BMS1: variants seen among roughly 807,000 people sequenced by gnomAD.
The protein encoded by BMS1 is ribosome biogenesis protein BMS1 homolog.
Under a neutral mutation model 138.7 loss-of-function variants are expected in BMS1, and 53 were observed. The ratio of observed to expected loss-of-function variants is 0.38; its 90% CI spans 0.31 to 0.48. The LOEUF is 0.48. Ranked by LOEUF, BMS1 falls within the 20% of genes least tolerant of loss-of-function variation. The pLI is 0.97. For missense variants in BMS1, 1,360 were observed against 1,565.5 expected, an observed-to-expected ratio of 0.87 and a Z score of 2.22; for synonymous variants, 504 against 539.9, an observed-to-expected ratio of 0.93 and a Z score of 0.92.
Position 42,833,159 on chromosome 10 carries a change from T to C in BMS1, c.*2063T>C, listed in dbSNP as rs1842828292. 1 of 152,198 alleles carries C rather than the reference T, an allele frequency of 6.6e-6. No individual in the cohort carries two copies. Among genetic ancestry groups the C allele is most frequent in the African/African-American group, 2.4e-5 (1 of 41,440 alleles). 9.4% of individuals were successfully genotyped at this position (152,198 alleles called of 1,614,324 possible). On this transcript the variant is annotated 3_prime_UTR_variant, in exon 23 of 23. Coordinates refer to ENST00000374518, the MANE Select transcript of BMS1 (RefSeq NM_014753.4). ...AGATAATTGCCTTTTCCAAAGACAA[T>C]GTATGTAGGCAGAACTCATACCTGT...
Position 42,833,718 on chromosome 10 carries a change from A to C in BMS1, c.*2622A>C, listed in dbSNP as rs892271193. 1 of 152,266 alleles carries C rather than the reference A, an allele frequency of 6.6e-6. No individual in the cohort carries two copies. The highest frequency in any genetic ancestry group is 1.5e-5 in the Non-Finnish European group (1 of 68,048). The allele number at this position is 152,266 out of a possible 1,614,324, so 9.4% of individuals were successfully genotyped here. A position where few individuals can be genotyped will look rare whatever the true frequency, so the allele number is the denominator to read the frequency against. ...CACATAGTTTTTGCTGTGAGTTTGC[A>C]TCCATCTCATAGGAAGACATATATC... is the stretch of plus-strand genomic sequence containing the variant. On this transcript the variant is annotated 3_prime_UTR_variant, in exon 23 of 23. Coordinates refer to ENST00000374518, the MANE Select transcript of BMS1 (RefSeq NM_014753.4).
chr10:42,806,737 GAAAAAAAAA>G (rs35466848), intron 13 of BMS1, among the ~76,000 whole-genome samples: 1 of 99,420 alleles, frequency 1.0e-5, no homozygotes, highest in African/African-American at 3.5e-5. Flanking sequence ...TCCGTCTCAG[GAAAAAAAAA>G]AAAAAAAAAA....
At chr10:42,827,880 A>G (rs1278499420) in intron 21 of BMS1, among the ~76,000 whole-genome samples, 3 of 151,962 alleles carry the variant, frequency 2.0e-5, no homozygotes, top group African/African-American at 7.3e-5. Flanking sequence ...TAAACTTTTC[A>G]CTGGGTACTC....
chr10:42,797,232 G>T lies in BMS1; in HGVS notation c.1987+1G>T. 6.2e-7 allele frequency: 1 copy of T among 1,602,006 alleles called. No homozygotes were observed. The highest frequency in any genetic ancestry group is 2.2e-5 in the East Asian group (1 of 44,730). On this transcript the variant is annotated splice_donor_variant, in intron 10 of 22. Coordinates refer to ENST00000374518, the MANE Select transcript of BMS1 (RefSeq NM_014753.4). LOFTEE classifies it high-confidence loss of function. ...AATAATGATTCCAAAGAAACGTCAG[G>T]TAAGCTTAAATGTAGTTGGTTGCTG...
intron 13 of BMS1, among the ~76,000 whole-genome samples, chr10:42,813,833 C>T (rs1341240980): frequency 6.6e-6 from 1 of 152,078 alleles, no homozygotes; most frequent in Non-Finnish European, 1.5e-5. Flanking sequence ...TATTCTCTTC[C>T]TCTGATAATG....
At chr10:42,817,169 A>G in intron 14 of BMS1, 149 bp from the exon 15 acceptor site, 3 of 663,516 alleles carry the variant, frequency 4.5e-6, no homozygotes, top group Non-Finnish European at 7.7e-6. Flanking sequence ...ATTCAGAGAC[A>G]AAGGTTGTGT....
intron 13 of BMS1, among the ~76,000 whole-genome samples, chr10:42,803,000 C>T (rs1841915028): frequency 6.6e-6 from 1 of 151,960 alleles, no homozygotes; most frequent in Non-Finnish European, 1.5e-5. Context: ...TTGCAACTGC[C>T]ACATGGTTTT....
intron 4 of BMS1, among the ~76,000 whole-genome samples, 168 bp downstream of exon 4, chr10:42,787,415 G>A (rs189317234): frequency 6.2e-4 from 95 of 152,284 alleles, no homozygotes; most frequent in Non-Finnish European, 6.3e-4. Context: ...GGTAATAAAT[G>A]TTGTTATGTT....
chr10:42,809,223 G>A (rs1842097835), intron 13 of BMS1, among the ~76,000 whole-genome samples: 1 of 152,092 alleles, frequency 6.6e-6, no homozygotes, highest in Admixed American at 6.5e-5. Context: ...GATAAGTTTA[G>A]ACCTAAGTAT....
rs186613792 is a variant in BMS1 at position 42,798,636 on chromosome 10, G to T, written c.2247+11G>T. On this transcript the variant is annotated intron_variant, in intron 12 of 22. Coordinates refer to ENST00000374518, the MANE Select transcript of BMS1 (RefSeq NM_014753.4). ...TGGGATTTAGAGGAGGTAAGTCTGG[G>T]TAGTACATTTGATTTATTAGAGAAT... 1.3e-4 allele frequency: 203 copies of T among 1,612,912 alleles called. 1 individual carries two copies. The African/African-American group carries it at 2.4e-3, about 19-fold the overall frequency.
chr10:42,803,796 A>G (rs1399569297), intron 13 of BMS1, among the ~76,000 whole-genome samples: 7 of 152,220 alleles, frequency 4.6e-5, no homozygotes, highest in African/African-American at 1.4e-4. Flanking sequence ...TTTAAAGTAT[A>G]CAATTTGATA....
At chr10:42,812,321 T>G (rs886572603) in intron 13 of BMS1, among the ~76,000 whole-genome samples, 8 of 152,190 alleles carry the variant, frequency 5.3e-5, no homozygotes, top group Non-Finnish European at 8.8e-5. Context: ...AAATTCAAAA[T>G]TTTTTGGAGA....
intron 4 of BMS1, among the ~76,000 whole-genome samples, chr10:42,788,693 T>C (rs1841413837): frequency 6.6e-6 from 1 of 152,312 alleles, no homozygotes; most frequent in Admixed American, 6.5e-5. Context: ...ATTATGTAAA[T>C]CTTTTAAAGA....
chr10:42,784,849 CT>C (rs890561046), intron 2 of BMS1, among the ~76,000 whole-genome samples: 1 of 152,148 alleles, frequency 6.6e-6, no homozygotes, highest in Non-Finnish European at 1.5e-5. Flanking sequence ...GATAAGTGTG[CT>C]TTTTCCCCCC....
chr10:42,798,238 C>G (rs1056189899), intron 11 of BMS1, among the ~76,000 whole-genome samples: 2 of 152,188 alleles, frequency 1.3e-5, no homozygotes, highest in Non-Finnish European at 2.9e-5. Context: ...TGCTCCCGTG[C>G]AGGAGCACAG....
At chr10:42,786,589 CTT>C (rs767043438) in intron 3 of BMS1, among the ~76,000 whole-genome samples, 1 of 142,172 alleles carries the variant, frequency 7.0e-6, no homozygotes, top group Admixed American at 7.1e-5. Flanking sequence ...CTTTTTTTTC[CTT>C]TTTTTTTTTT....
intron 7 of BMS1, 48 bp from the exon 8 acceptor site, chr10:42,792,909 T>G: frequency 1.3e-6 from 2 of 1,572,774 alleles, no homozygotes; most frequent in Non-Finnish European, 1.7e-6. Flanking sequence ...TGGTAGATGC[T>G]TCTGACTTCT....
intron 15 of BMS1, among the ~76,000 whole-genome samples, chr10:42,819,814 T>A (rs1254903383): frequency 1.3e-5 from 2 of 152,124 alleles, no homozygotes; most frequent in Non-Finnish European, 2.9e-5. Context: ...TTTTTTGAGA[T>A]GGAATCTCGC....
At chr10:42,811,556 G>A (rs1214900079) in intron 13 of BMS1, among the ~76,000 whole-genome samples, 5 of 104,652 alleles carry the variant, frequency 4.8e-5, no homozygotes, top group Non-Finnish European at 8.7e-5. Context: ...ACGGAGTCTC[G>A]CTCTGTCGCC....
Sources: gnomAD v4.1 joint callset for allele counts (sites outside exome capture counted in the v4.1 genomes callset) on GRCh38, gnomAD v4.1.1 for gene constraint, MANE v1.5 for transcripts, NCBI Gene and HGNC (gene_info 2026-07-23, HGNC 2026-07-21) for gene names.